MRTFB: variants seen among roughly 807,000 people sequenced by gnomAD.
The protein encoded by MRTFB is myocardin related transcription factor B, also known as myocardin-related transcription factor B.
MRTFB carries 29 observed loss-of-function variants against 104.2 expected under a neutral mutation model. That is an observed-to-expected ratio of 0.28 (90% CI 0.21 to 0.38). The LOEUF (loss-of-function observed/expected upper bound fraction) is 0.38, where lower values mean the gene tolerates loss of function less well. Among genes scored for constraint, MRTFB ranks in the 10% least tolerant of loss-of-function variants. The probability of loss-of-function intolerance (pLI) is 1.00; values close to 1 mark genes in which losing one functional copy is unlikely to be tolerated. For synonymous variants in MRTFB, 535 were observed against 519.5 expected, an observed-to-expected ratio of 1.03 and a Z score of -0.41; for missense variants, 1,270 against 1,341.6, an observed-to-expected ratio of 0.95 and a Z score of 0.83.
the MRTFB span, among the ~76,000 whole-genome samples, chr16:13,997,384 G>GA: frequency 2.2e-4 from 33 of 152,058 alleles, no homozygotes; most frequent in Non-Finnish European, 4.4e-4. Flanking sequence ...TAGTTTATTT[G>GA]AAAAAATACT....
At chr16:14,226,524 A>G (rs2042010156) in intron 8 of MRTFB, among the ~76,000 whole-genome samples, 1 of 152,226 alleles carries the variant, frequency 6.6e-6, no homozygotes, top group African/African-American at 2.4e-5. Context: ...ATCGTAGGCA[A>G]AAATTGACTC....
intron 1 of MRTFB, among the ~76,000 whole-genome samples, chr16:14,073,429 G>A (rs1257503751): frequency 1.3e-5 from 2 of 152,170 alleles, no homozygotes; most frequent in African/African-American, 4.8e-5. Flanking sequence ...ATTATAATAG[G>A]AATTATAAAA....
chr16:14,003,216 G>A, the MRTFB span, among the ~76,000 whole-genome samples: 3 of 152,138 alleles, frequency 2.0e-5, no homozygotes, highest in Non-Finnish European at 4.4e-5. Flanking sequence ...AACACTCCGA[G>A]AGCCGCCACA....
At chr16:14,175,295 C>T (rs2039544318) in intron 3 of MRTFB, among the ~76,000 whole-genome samples, 1 of 152,192 alleles carries the variant, frequency 6.6e-6, no homozygotes, top group Non-Finnish European at 1.5e-5. Flanking sequence ...TTAGAAATTT[C>T]CTCACGCCTG....
chr16:14,237,087 G>A lies in MRTFB; in HGVS notation c.831+2804G>A, dbSNP rs536204873. ...GTGTGAGGTGCTGTGCAGGCACCGC[G>A]TGATGTCCTAGAGGCAGCTGGATAG... On this transcript the variant is annotated intron_variant, in intron 9 of 16. Transcript: ENST00000571589. Among the ~76,000 whole-genome samples the A allele has an allele frequency of 4.6e-5, 7 of 152,310 alleles. No individual in the cohort carries two copies. In the East Asian group the frequency reaches 1.2e-3, roughly 25 times the overall value.
At chr16:14,100,314 G>A (rs2035629883) in intron 2 of MRTFB, among the ~76,000 whole-genome samples, 1 of 152,148 alleles carries the variant, frequency 6.6e-6, no homozygotes, top group African/African-American at 2.4e-5. Flanking sequence ...ATCAGGAATG[G>A]ATGTTGGATT....
At chr16:14,144,400 G>T (rs911607672) in intron 3 of MRTFB, 2 of 152,258 alleles carry the variant, frequency 1.3e-5, no homozygotes, top group East Asian at 3.9e-4. Context: ...TTGGCTGTCA[G>T]AAATCTAGGT....
intron 2 of MRTFB, among the ~76,000 whole-genome samples, chr16:14,118,736 C>G (rs79785792): frequency 7.0e-6 from 1 of 142,900 alleles, no homozygotes; most frequent in Admixed American, 7.0e-5. Context: ...TATATATATA[C>G]ACACATATAT....
In MRTFB at chr16:14,266,567, C is replaced by T. The variant is rs2043955998; in HGVS notation, c.*5123C>T. 6.6e-6 allele frequency: 1 copy of T among 152,128 alleles called. No individual in the cohort carries two copies. Among genetic ancestry groups the T allele is most frequent in the South Asian group, 2.1e-4 (1 of 4,824 alleles). The allele number at this position is 152,128 out of a possible 1,614,324, so 9.4% of individuals were successfully genotyped here. On this transcript the variant is annotated 3_prime_UTR_variant, in exon 17 of 17. Transcript: ENST00000571589. ...GATGCCTTTGTATTTGCTGTTTGCACCCCTGAAATCAATTCCATATCATGT... is the reference window on the plus strand; with the variant it reads ...GATGCCTTTGTATTTGCTGTTTGCATCCCTGAAATCAATTCCATATCATGT...
the MRTFB span, among the ~76,000 whole-genome samples, chr16:14,057,663 G>C: frequency 1.3e-5 from 2 of 152,062 alleles, no homozygotes; most frequent in African/African-American, 4.8e-5. Flanking sequence ...GGAATTTTCT[G>C]TTTTTCCGTC....
intron 3 of MRTFB, among the ~76,000 whole-genome samples, chr16:14,150,353 A>T (rs1430307682): frequency 6.6e-6 from 1 of 152,208 alleles, no homozygotes; most frequent in African/African-American, 2.4e-5. Flanking sequence ...CCCTTGGACA[A>T]TGTAGGGGTT....
chr16:14,225,656 G>GCATTCATT (rs74275913), intron 8 of MRTFB, among the ~76,000 whole-genome samples: 3,297 of 151,272 alleles, frequency 0.022, 108 homozygotes, highest in African/African-American at 0.071. Context: ...CATCCAGAAA[G>GCATTCATT]CATTCATTCA....
At chr16:14,152,748 T>C (rs1307161692) in intron 3 of MRTFB, 2 of 152,200 alleles carry the variant, frequency 1.3e-5, no homozygotes, top group Non-Finnish European at 2.9e-5. Flanking sequence ...GTGAACGGCA[T>C]TCCACATTGG....
At chr16:14,012,291 C>CTTTTTT in the MRTFB span, among the ~76,000 whole-genome samples, 1 of 97,768 alleles carries the variant, frequency 1.0e-5, no homozygotes, top group African/African-American at 5.8e-5. Flanking sequence ...TTTTCTTTTT[C>CTTTTTT]TTTCTTTCTT....
intron 2 of MRTFB, among the ~76,000 whole-genome samples, chr16:14,126,357 G>A (rs1358641225): frequency 6.6e-6 from 1 of 152,052 alleles, no homozygotes; most frequent in Non-Finnish European, 1.5e-5. Context: ...CCTGTATTAT[G>A]CCTGGGCTAG....
At chr16:14,140,806 C>T (rs747964645) in intron 3 of MRTFB, 46 bp downstream of exon 3, 1 of 1,609,636 alleles carries the variant, frequency 6.2e-7, no homozygotes, top group Non-Finnish European at 8.5e-7. Flanking sequence ...AAGATTTCCC[C>T]TCTTTGGGAG....
chr16:14,250,905 G>T (rs1052965614), intron 13 of MRTFB, among the ~76,000 whole-genome samples: 3 of 152,140 alleles, frequency 2.0e-5, no homozygotes, highest in Non-Finnish European at 2.9e-5. Context: ...GCAGAACCAA[G>T]AATTATTTTC....
At position 14,098,427 on chromosome 16, in the gene MRTFB, TACTG is replaced by T. The variant is rs1465054493; in HGVS notation, c.-64+19075_-64+19078del. ...ATTGGGTTGTTTGTTTTCTTATTAT[TACTG>T]AGTTTTGAGAGTTCTTTGTATACTC... is the stretch of plus-strand genomic sequence containing the variant. On this transcript the variant is annotated intron_variant, in intron 2 of 16. Coordinates refer to ENST00000571589, the MANE Select transcript of MRTFB (RefSeq NM_001308142.2). 3.9e-5 allele frequency among the ~76,000 whole-genome samples: 6 copies of T among 152,228 alleles called. No individual in the cohort carries two copies. The East Asian group carries it at 1.2e-3, about 29-fold the overall frequency.
upstream of MRTFB, among the ~76,000 whole-genome samples, chr16:14,068,526 G>A (rs1205573500): frequency 1.3e-5 from 2 of 152,186 alleles, no homozygotes; most frequent in African/African-American, 4.8e-5. Context: ...GATCTGGGGT[G>A]GAACCAACCA....
Sources: gnomAD v4.1 joint callset for allele counts (sites outside exome capture counted in the v4.1 genomes callset) on GRCh38, gnomAD v4.1.1 for gene constraint, MANE v1.5 for transcripts, NCBI Gene and HGNC (gene_info 2026-07-23, HGNC 2026-07-21) for gene names.